The following PHF14 variants were observed in gnomAD, a reference collection of about 807,000 sequenced individuals.
PHF14 encodes PHD finger protein 14.
PHF14 carries 55 observed loss-of-function variants against 117.9 expected under a neutral mutation model. The ratio of observed to expected loss-of-function variants is 0.47; its 90% confidence interval spans 0.38 to 0.58. The LOEUF is 0.58. PHF14 is among the 20% of genes least tolerant of loss of function. PHF14 has a pLI of 0.00. For synonymous variants in PHF14, 409 were observed against 368.6 expected (o/e 1.11, Z -1.26); for missense variants, 978 against 1,122.2 (o/e 0.87, Z 1.84).
rs1224199049 is a variant in PHF14, at chr7:11,027,791, T to G, written c.1318-890T>G. Among the ~76,000 whole-genome samples the G allele has an allele frequency of 2.0e-5, 3 of 152,144 alleles. No individual in the cohort carries two copies. The East Asian group carries it at 5.8e-4, about 29-fold the overall frequency. ...GTTGGATTTTCTCTGGTCTCTTGTT[T>G]CCTTTTCCAAGCAATTTTATATTGT... On this transcript the variant is annotated intron_variant, in intron 6 of 17. Transcript: ENST00000634607.
At chr7:11,102,773 T>C (rs1324825736) in intron 16 of PHF14, 2 of 1,374,982 alleles carry the variant, frequency 1.5e-6, no homozygotes, top group Non-Finnish European at 1.9e-6. Flanking sequence ...TTTGCTTTTT[T>C]TGCACTTATC....
chr7:11,002,910 C>T (rs1271488126), intron 4 of PHF14, among the ~76,000 whole-genome samples: 5 of 152,052 alleles, frequency 3.3e-5, no homozygotes, highest in Non-Finnish European at 7.4e-5. Flanking sequence ...AGATGTGCCA[C>T]CTCTTGCTCC....
chr7:11,033,235 G>A (rs894159793), intron 7 of PHF14, among the ~76,000 whole-genome samples: 4 of 152,160 alleles, frequency 2.6e-5, no homozygotes, highest in Non-Finnish European at 4.4e-5. Context: ...GTAACGAGTT[G>A]CTTAAACGAA....
At chr7:11,154,668 C>T (rs1788791452) in intron 17 of PHF14, among the ~76,000 whole-genome samples, 1 of 152,100 alleles carries the variant, frequency 6.6e-6, no homozygotes, top group African/African-American at 2.4e-5. Context: ...ACATTCTCTA[C>T]AATGACAACA....
At chr7:11,042,641 A>T in intron 12 of PHF14, 42 bp from the exon 13 acceptor site, 1 of 1,407,016 alleles carries the variant, frequency 7.1e-7, no homozygotes. Flanking sequence ...TTTCACTATG[A>T]TAATTATTAT....
intron 8 of PHF14, 129 bp from the exon 9 acceptor site, chr7:11,036,289 A>G (rs897871454): frequency 1.6e-5 from 12 of 739,624 alleles, no homozygotes; most frequent in South Asian, 9.5e-5. Context: ...ATTCATACCT[A>G]TAATTTGCTT....
intron 17 of PHF14, among the ~76,000 whole-genome samples, chr7:11,151,728 T>TA (rs1788707371): frequency 6.6e-6 from 1 of 152,134 alleles, no homozygotes; most frequent in Admixed American, 6.6e-5. Context: ...CCTAGCTCTG[T>TA]AGAGGCTTGT....
At chr7:10,981,071 G>T (rs749011567) in intron 2 of PHF14, among the ~76,000 whole-genome samples, 3 of 152,068 alleles carry the variant, frequency 2.0e-5, no homozygotes, top group Non-Finnish European at 4.4e-5. Context: ...AATTTTGCTT[G>T]CAGGATGTTT....
intron 16 of PHF14, among the ~76,000 whole-genome samples, chr7:11,064,352 A>G (rs901475225): frequency 3.9e-5 from 6 of 151,934 alleles, no homozygotes; most frequent in Admixed American, 1.3e-4. Flanking sequence ...CTTAAATACT[A>G]TCTTTACATG....
At chr7:11,006,495 G>GTT (rs1783103393) in intron 4 of PHF14, 1 of 552,826 alleles carries the variant, frequency 1.8e-6, no homozygotes, top group African/African-American at 1.9e-5. Context: ...GAATTAGGGT[G>GTT]TTGACACCTT....
At chr7:10,975,867 TC>T (rs1240530554) in intron 2 of PHF14, among the ~76,000 whole-genome samples, 8 of 152,338 alleles carry the variant, frequency 5.3e-5, no homozygotes, top group Admixed American at 6.5e-5. Flanking sequence ...CTTCTGGTTT[TC>T]CCTTGTCTTT....
chr7:11,023,758 G>A (rs1451196696), intron 6 of PHF14, among the ~76,000 whole-genome samples: 1 of 152,168 alleles, frequency 6.6e-6, no homozygotes, highest in Non-Finnish European at 1.5e-5. Flanking sequence ...AACCCAGGAG[G>A]TGGAGGTTGC....
At chr7:11,051,897 G>T in intron 14 of PHF14, 117 bp downstream of exon 14, 1 of 780,746 alleles carries the variant, frequency 1.3e-6, no homozygotes, top group Non-Finnish European at 2.0e-6. Flanking sequence ...ACATCTATTG[G>T]TTATTCTTAA....
At chr7:11,080,948 G>A in intron 16 of PHF14, among the ~76,000 whole-genome samples, 1 of 152,122 alleles carries the variant, frequency 6.6e-6, no homozygotes, top group Non-Finnish European at 1.5e-5. Context: ...TGTTGCTGGT[G>A]ATTTGGCCTA....
In PHF14 at chr7:11,111,339, T is replaced by A. The variant is rs1369441588; in HGVS notation, c.2655-11T>A. 2.1e-6 allele frequency: 3 copies of A among 1,405,814 alleles called. No homozygotes were observed. Among genetic ancestry groups the A allele is most frequent in the Non-Finnish European group, 3.0e-6 (3 of 997,902 alleles). The allele number at this position is 1,405,814 out of a possible 1,614,324, so 87.1% of individuals were successfully genotyped here. A position where few individuals can be genotyped will look rare whatever the true frequency, so the allele number is the denominator to read the frequency against. ...TAGATACACCTACCTATAAATCTGT[T>A]TACCCTGCAGGTGTGATGAATGCAG... On this transcript the variant is annotated splice_polypyrimidine_tract_variant and intron_variant, in intron 16 of 17. Coordinates refer to ENST00000634607, the MANE Select transcript of PHF14 (RefSeq NM_001007157.2).
intron 4 of PHF14, among the ~76,000 whole-genome samples, chr7:10,997,826 G>T (rs1424896692): frequency 6.6e-6 from 1 of 152,190 alleles, no homozygotes; most frequent in Non-Finnish European, 1.5e-5. Flanking sequence ...GGAAGCAGTT[G>T]TATCAGAGTG....
At chr7:11,124,989 G>C (rs1787881883) in intron 17 of PHF14, among the ~76,000 whole-genome samples, 1 of 152,106 alleles carries the variant, frequency 6.6e-6, no homozygotes, top group African/African-American at 2.4e-5. Context: ...CTATGGTATG[G>C]TGTGGGAAGA....
rs138179694 is a variant in PHF14 at position 10,985,237 on chromosome 7, C to G, written c.900+2078C>G. On this transcript the variant is annotated intron_variant, in intron 3 of 17. Transcript: ENST00000634607. ...TGGCCAATGTTTGGGTCTTAATCTT[C>G]CTGGTTATTTTAGCTAGTGATAATT... Among the ~76,000 whole-genome samples, 269 of 152,118 alleles carry G rather than the reference C, an allele frequency of 1.8e-3. 3 individuals carry two copies. The highest frequency in any genetic ancestry group is 6.3e-3 in the African/African-American group (260 of 41,522).
At chr7:11,097,673 A>G (rs1391426189) in intron 16 of PHF14, among the ~76,000 whole-genome samples, 1 of 152,238 alleles carries the variant, frequency 6.6e-6, no homozygotes, top group Non-Finnish European at 1.5e-5. Flanking sequence ...AGTTCAGGCT[A>G]GTTCAGTCCT....
Sources: allele counts gnomAD v4.1 joint callset (sites outside exome capture counted in the v4.1 genomes callset), GRCh38; gene constraint gnomAD v4.1.1; transcripts MANE v1.5; gene names NCBI Gene and HGNC (gene_info 2026-07-23, HGNC 2026-07-21).